Variants in PHF14 observed in about 807,000 individuals in gnomAD.
PHF14 encodes the protein PHD finger protein 14.
Under a neutral mutation model 117.9 loss-of-function variants are expected in PHF14, and 55 were observed. The ratio of observed to expected loss-of-function variants is 0.47; its 90% CI spans 0.38 to 0.58. The LOEUF (loss-of-function observed/expected upper bound fraction) is 0.58. Among genes scored for constraint, PHF14 ranks in the 20% least tolerant of loss-of-function variants. PHF14 has a pLI of 0.00. For missense variants in PHF14, 978 were observed against 1,122.2 expected (o/e 0.87, Z 1.84); for synonymous variants, 409 against 368.6 (o/e 1.11, Z -1.26).
At chr7:10,993,896 C>T (rs546291312) in intron 4 of PHF14, among the ~76,000 whole-genome samples, 2 of 151,334 alleles carry the variant, frequency 1.3e-5, no homozygotes, top group African/African-American at 4.9e-5. Context: ...GTAATCCCAG[C>T]TACTCTGGAG....
At chr7:11,043,285 AT>A (rs545466049) in intron 13 of PHF14, among the ~76,000 whole-genome samples, 6,643 of 147,792 alleles carry the variant, frequency 0.045, 488 homozygotes, top group African/African-American at 0.15. Context: ...AACATTTCTG[AT>A]TTTTTTTTTT....
chr7:11,115,070 A>G (rs1177259464), intron 17 of PHF14, among the ~76,000 whole-genome samples: 1 of 152,016 alleles, frequency 6.6e-6, no homozygotes, highest in Non-Finnish European at 1.5e-5. Context: ...CAAGTCACAT[A>G]TCTGGAATCA....
rs11486775 is a variant in PHF14, at chr7:11,131,884, A to T, written c.2772+20417A>T. 7.0e-3 allele frequency among the ~76,000 whole-genome samples: 1,062 copies of T among 151,838 alleles called. 11 individuals carry two copies. The highest frequency in any genetic ancestry group is 0.024 in the African/African-American group (1,006 of 41,458). ...CATTTGGAGGTCCATATGGTCCAGC[A>T]CTATTTGTTAATATTCAAAAGCCAA... On this transcript the variant is annotated intron_variant, in intron 17 of 17. Transcript: ENST00000634607.
chr7:11,028,477 T>C (rs1254142033), intron 6 of PHF14, among the ~76,000 whole-genome samples: 1 of 152,192 alleles, frequency 6.6e-6, no homozygotes, highest in Non-Finnish European at 1.5e-5. Context: ...ATTAGTTGAA[T>C]TTTGATTTAT....
intron 17 of PHF14, among the ~76,000 whole-genome samples, chr7:11,168,374 A>T (rs983627959): frequency 2.0e-5 from 3 of 152,190 alleles, no homozygotes; most frequent in Admixed American, 6.5e-5. Flanking sequence ...CACCCGCCTT[A>T]ATCATTACTG....
intron 16 of PHF14, among the ~76,000 whole-genome samples, chr7:11,088,898 A>G (rs1786531466): frequency 6.6e-6 from 1 of 152,172 alleles, no homozygotes; most frequent in Admixed American, 6.5e-5. Context: ...TGTCATAAGT[A>G]TATGCTACTA....
intron 17 of PHF14, among the ~76,000 whole-genome samples, chr7:11,167,845 C>T (rs1479882653): frequency 6.6e-6 from 1 of 151,884 alleles, no homozygotes; most frequent in Non-Finnish European, 1.5e-5. Context: ...CTGGCTAACA[C>T]GGTGAAACCC....
At chr7:10,978,212 C>T (rs1043134188) in intron 2 of PHF14, among the ~76,000 whole-genome samples, 3 of 152,066 alleles carry the variant, frequency 2.0e-5, no homozygotes, top group Non-Finnish European at 4.4e-5. Context: ...CGTAGTTTAG[C>T]CCTTTGCTAG....
intron 16 of PHF14, among the ~76,000 whole-genome samples, chr7:11,077,979 C>T (rs1436445026): frequency 6.6e-6 from 1 of 152,200 alleles, no homozygotes; most frequent in South Asian, 2.1e-4. Context: ...GATATAACCT[C>T]AGAATTACAT....
rs1562460110 is a variant in PHF14 at position 11,088,403 on chromosome 7, A to AC, written c.2655-22947_2655-22946insC. 1.9e-3 allele frequency among the ~76,000 whole-genome samples: 281 copies of AC among 151,072 alleles called. 1 individual carries two copies. The highest frequency in any genetic ancestry group is 0.011 in the East Asian group (54 of 5,126). On this transcript the variant is annotated intron_variant, in intron 16 of 17. Transcript: ENST00000634607. ...AATGTGTGTTGTTCACATACACACA[A>AC]ACACACACACACACGCACACACACA... is the stretch of plus-strand genomic sequence containing the variant.
At position 11,140,633 on chromosome 7, in the gene PHF14, AT is replaced by A. The variant is rs111431399; in HGVS notation, c.2773-28782del. On this transcript the variant is annotated intron_variant, in intron 17 of 17. Coordinates refer to ENST00000634607, the MANE Select transcript of PHF14 (RefSeq NM_001007157.2). ...CTTATACAAAGAAATAATATAATCC[AT>A]AACTGCAAGAATATACTATACAGAA... Among the ~76,000 whole-genome samples the A allele has an allele frequency of 1.8e-3, 276 of 152,314 alleles. 4 individuals are homozygous for A. Among genetic ancestry groups the A allele is most frequent in the African/African-American group, 6.3e-3 (264 of 41,578 alleles).
At chr7:11,157,072 T>C (rs1788882551) in intron 17 of PHF14, among the ~76,000 whole-genome samples, 1 of 152,178 alleles carries the variant, frequency 6.6e-6, no homozygotes, top group African/African-American at 2.4e-5. Context: ...CTGATGCACT[T>C]TATTATATAC....
At chr7:11,095,975 A>G (rs1301758067) in intron 16 of PHF14, among the ~76,000 whole-genome samples, 1 of 152,116 alleles carries the variant, frequency 6.6e-6, no homozygotes, top group Non-Finnish European at 1.5e-5. Context: ...CTGAATTCAT[A>G]ACTAGTAATT....
chr7:11,080,638 C>T (rs993199260), intron 16 of PHF14, among the ~76,000 whole-genome samples: 1 of 152,060 alleles, frequency 6.6e-6, no homozygotes, highest in African/African-American at 2.4e-5. Flanking sequence ...AATTCTTTGT[C>T]TTCATTTTAT....
chr7:10,997,856 A>G (rs1782715637), intron 4 of PHF14, among the ~76,000 whole-genome samples: 1 of 152,322 alleles, frequency 6.6e-6, no homozygotes, highest in East Asian at 1.9e-4. Context: ...TTTATAATCT[A>G]ATATTGGTAG....
At chr7:11,083,191 T>G (rs1312341803) in intron 16 of PHF14, among the ~76,000 whole-genome samples, 1 of 152,208 alleles carries the variant, frequency 6.6e-6, no homozygotes, top group African/African-American at 2.4e-5. Context: ...TTAACTCTCC[T>G]TTTGGTGACT....
chr7:11,134,289 A>G (rs532899091), intron 17 of PHF14, among the ~76,000 whole-genome samples: 1 of 152,012 alleles, frequency 6.6e-6, no homozygotes, highest in Non-Finnish European at 1.5e-5. Context: ...CTTTTAAAAG[A>G]TATATCTTTA....
At chr7:11,088,618 A>G (rs953095327) in intron 16 of PHF14, among the ~76,000 whole-genome samples, 1 of 152,014 alleles carries the variant, frequency 6.6e-6, no homozygotes, top group Non-Finnish European at 1.5e-5. Context: ...TAGTCATGAA[A>G]TTTTTTTTAA....
At chr7:11,080,044 G>A (rs530186668) in intron 16 of PHF14, among the ~76,000 whole-genome samples, 1 of 152,240 alleles carries the variant, frequency 6.6e-6, no homozygotes, top group African/African-American at 2.4e-5. Flanking sequence ...TCAACTTTAA[G>A]AGGATACATT....
Sources: allele counts gnomAD v4.1 joint callset (sites outside exome capture counted in the v4.1 genomes callset), GRCh38; gene constraint gnomAD v4.1.1; transcripts MANE v1.5; gene names NCBI Gene and HGNC (gene_info 2026-07-23, HGNC 2026-07-21).